WWC2: variants seen among roughly 807,000 people sequenced by gnomAD.
WWC2 encodes protein WWC2.
Under a neutral mutation model 138.5 loss-of-function variants are expected in WWC2, and 101 were observed. The ratio of observed to expected loss-of-function variants is 0.73; its 90% CI spans 0.62 to 0.86. The LOEUF is 0.86. WWC2 is among the 40% of genes least tolerant of loss of function. WWC2 has a pLI of 0.00. For synonymous variants in WWC2, 558 were observed against 538.4 expected, an observed-to-expected ratio of 1.04 and a Z score of -0.50; for missense variants, 1,420 against 1,419.4, an observed-to-expected ratio of 1.00 and a Z score of -0.01.
intron 21 of WWC2, among the ~76,000 whole-genome samples, chr4:183,298,334 A>T (rs1477382346): frequency 6.6e-6 from 1 of 152,202 alleles, no homozygotes; most frequent in East Asian, 1.9e-4. Flanking sequence ...AACCTCATAT[A>T]CAAAATGCTG....
At chr4:183,266,496 A>G (rs186363691) in intron 14 of WWC2, among the ~76,000 whole-genome samples, 2 of 152,314 alleles carry the variant, frequency 1.3e-5, no homozygotes, top group African/African-American at 4.8e-5. Context: ...TACACAGTCC[A>G]TTGCTTAGAG....
rs1444698078 is a variant in WWC2 at position 183,208,120 on chromosome 4, G to A, written c.409G>A (p.Asp137Asn). Reference protein sequence around the residue: ...LALDEYVRLNDAYKEKSSSHT... With the variant: ...LALDEYVRLNNAYKEKSSSHT... ...CCTGGATGAATACGTGCGATTAAAT[G>A]ATGCCTATAAGGAAAAGTCAAGTTC... The change falls in exon 3 of 23, where the codon GAT (aspartate) becomes AAT (asparagine). Residue 137 changes from aspartate (D) to asparagine (N), a missense_variant. Asp to Asn is a conservative substitution (Grantham distance 23). Coordinates refer to ENST00000403733, the MANE Select transcript of WWC2 (RefSeq NM_024949.6). The A allele has an allele frequency of 6.2e-7, 1 of 1,613,634 alleles. No individual in the cohort carries two copies. The highest frequency in any genetic ancestry group is 8.5e-7 in the Non-Finnish European group (1 of 1,179,706).
At position 183,137,390 on chromosome 4, in the gene WWC2, T is replaced by C. The variant is rs184057670; in HGVS notation, c.131+37768T>C. 1.3e-3 allele frequency among the ~76,000 whole-genome samples: 204 copies of C among 152,276 alleles called. 1 individual carries two copies. Among genetic ancestry groups the C allele is most frequent in the African/African-American group, 4.8e-3 (198 of 41,572 alleles). On this transcript the variant is annotated intron_variant, in intron 1 of 22. Coordinates refer to ENST00000403733, the MANE Select transcript of WWC2 (RefSeq NM_024949.6). Reference sequence around the variant, plus strand: ...TTTTAAAATATTTATTTATTTTTTCTTTTTAAACTTTTTTTGTTAACAGCT... The same window carrying C: ...TTTTAAAATATTTATTTATTTTTTCCTTTTAAACTTTTTTTGTTAACAGCT...
intron 3 of WWC2, among the ~76,000 whole-genome samples, chr4:183,208,443 G>A (rs1406020998): frequency 6.6e-6 from 1 of 152,138 alleles, no homozygotes; most frequent in Non-Finnish European, 1.5e-5. Flanking sequence ...TCAGAACAGT[G>A]CAAGTAGTTT....
intron 1 of WWC2, among the ~76,000 whole-genome samples, chr4:183,103,451 C>T (rs1052083924): frequency 7.3e-5 from 11 of 151,346 alleles, no homozygotes. Flanking sequence ...CTCAGCCTCC[C>T]GAGTAGCTGG....
chr4:183,162,090 TAGGA>T (rs1196573595), intron 1 of WWC2, among the ~76,000 whole-genome samples: 3 of 152,176 alleles, frequency 2.0e-5, no homozygotes, highest in South Asian at 2.1e-4. Context: ...AATCCAAACT[TAGGA>T]AGGAGTATTG....
At position 183,319,674 on chromosome 4, in the gene WWC2, A is replaced by C; in HGVS notation, c.*3945A>C. Reference sequence around the variant, plus strand: ...GCTGGAGCAGGCTGCACAGTGGAGCAGACACCCTCCTAGCAGAAGAGAAAG... The same window carrying C: ...GCTGGAGCAGGCTGCACAGTGGAGCCGACACCCTCCTAGCAGAAGAGAAAG... On this transcript the variant is annotated 3_prime_UTR_variant, in exon 23 of 23. Transcript: ENST00000403733. 1 of 1,614,140 alleles carries C rather than the reference A, an allele frequency of 6.2e-7. No individual in the cohort carries two copies. The highest frequency in any genetic ancestry group is 8.5e-7 in the Non-Finnish European group (1 of 1,180,026).
At chr4:183,125,448 T>C (rs1382408169) in intron 1 of WWC2, among the ~76,000 whole-genome samples, 1 of 152,256 alleles carries the variant, frequency 6.6e-6, no homozygotes, top group African/African-American at 2.4e-5. Flanking sequence ...ATGCTATTTC[T>C]AGTGAAAAAC....
intron 11 of WWC2, among the ~76,000 whole-genome samples, chr4:183,262,478 G>C (rs1737359328): frequency 6.6e-6 from 1 of 152,182 alleles, no homozygotes; most frequent in Admixed American, 6.5e-5. Context: ...CTGAGTAATT[G>C]ATTGGCCAAT....
At chr4:183,268,793 G>C (rs1737594389) in intron 14 of WWC2, among the ~76,000 whole-genome samples, 178 bp from the exon 15 acceptor site, 1 of 152,164 alleles carries the variant, frequency 6.6e-6, no homozygotes, top group South Asian at 2.1e-4. Context: ...GCTCGGGTGG[G>C]TTAAGGACAG....
intron 5 of WWC2, among the ~76,000 whole-genome samples, chr4:183,241,220 A>G (rs915013865): frequency 1.3e-5 from 2 of 152,212 alleles, no homozygotes; most frequent in African/African-American, 2.4e-5. Flanking sequence ...CACCTCAGGA[A>G]TGCCAAGCTG....
intron 2 of WWC2, among the ~76,000 whole-genome samples, chr4:183,194,322 C>A (rs1735071256): frequency 6.6e-6 from 1 of 152,158 alleles, no homozygotes; most frequent in Non-Finnish European, 1.5e-5. Context: ...TTCAAAAACA[C>A]ATACTTTGAA....
At chr4:183,199,233 G>C (rs956675181) in intron 2 of WWC2, among the ~76,000 whole-genome samples, 8 of 152,198 alleles carry the variant, frequency 5.3e-5, no homozygotes, top group South Asian at 4.1e-4. Context: ...TGGTGTGACT[G>C]GGGTAACCGG....
intron 4 of WWC2, among the ~76,000 whole-genome samples, chr4:183,220,255 A>G (rs1159500359): frequency 6.6e-6 from 1 of 152,160 alleles, no homozygotes; most frequent in Admixed American, 6.5e-5. Context: ...CTTTGTGATA[A>G]TTTGACCAGA....
In WWC2 at chr4:183,319,508, A is replaced by G; in HGVS notation, c.*3779A>G. ...TAGAGCGGGACATCCTACCAAATCC[A>G]GTGTTGAGCAAGCGTCTCCTGAACA... On this transcript the variant is annotated 3_prime_UTR_variant, in exon 23 of 23. Transcript: ENST00000403733. 3 of 1,521,718 alleles carry G rather than the reference A, an allele frequency of 2.0e-6. No individual in the cohort carries two copies. Among genetic ancestry groups the G allele is most frequent in the South Asian group, 2.6e-5 (2 of 76,996 alleles). The allele number at this position is 1,521,718 out of a possible 1,614,324, so 94.3% of individuals were successfully genotyped here.
chr4:183,174,932 A>T (rs1049382749), intron 1 of WWC2, among the ~76,000 whole-genome samples: 1 of 152,136 alleles, frequency 6.6e-6, no homozygotes, highest in African/African-American at 2.4e-5. Flanking sequence ...AAGGTAAGGT[A>T]CAGATATTAT....
intron 1 of WWC2, among the ~76,000 whole-genome samples, chr4:183,156,915 C>T (rs1156900314): frequency 6.6e-6 from 1 of 152,164 alleles, no homozygotes; most frequent in Non-Finnish European, 1.5e-5. Context: ...CCTTTATACA[C>T]ACACATACAT....
intron 9 of WWC2, among the ~76,000 whole-genome samples, chr4:183,255,288 C>G (rs770511503): frequency 2.0e-5 from 3 of 152,190 alleles, no homozygotes; most frequent in Non-Finnish European, 2.9e-5. Context: ...GTCAGCCAGG[C>G]TGGCAAAGCA....
chr4:183,269,283 G>T, intron 15 of WWC2, 120 bp downstream of exon 15: 2 of 939,588 alleles, frequency 2.1e-6, no homozygotes, highest in Non-Finnish European at 1.6e-6. Flanking sequence ...CAACATCTTG[G>T]GATACATCTA....
Sources: gnomAD v4.1 joint callset for allele counts (sites outside exome capture counted in the v4.1 genomes callset) on GRCh38, gnomAD v4.1.1 for gene constraint, MANE v1.5 for transcripts, NCBI Gene and HGNC (gene_info 2026-07-23, HGNC 2026-07-21) for gene names.